Variants in WNK2 observed in about 807,000 individuals in gnomAD.
WNK2 encodes the protein serine/threonine-protein kinase WNK2.
Under a neutral mutation model 192.1 loss-of-function variants are expected in WNK2, and 67 were observed. The ratio of observed to expected loss-of-function variants is 0.35; its 90% CI spans 0.29 to 0.43. The LOEUF is 0.43. Ranked by LOEUF, WNK2 falls within the 20% of genes least tolerant of loss-of-function variation. The pLI is 1.00. For missense variants in WNK2, 2,698 were observed against 3,089.7 expected, an observed-to-expected ratio of 0.87 and a Z score of 3.01; for synonymous variants, 1,439 against 1,393.9, an observed-to-expected ratio of 1.03 and a Z score of -0.72.
chr9:93,198,702 C>T (rs1161149502), intron 2 of WNK2, among the ~76,000 whole-genome samples: 3 of 152,220 alleles, frequency 2.0e-5, no homozygotes. Flanking sequence ...GTTTTTTATA[C>T]TCTTGGGCAT....
chr9:93,296,404 C>T (rs1314421813), intron 23 of WNK2, among the ~76,000 whole-genome samples: 1 of 16,670 alleles, frequency 6.0e-5, no homozygotes, highest in Non-Finnish European at 1.4e-4. Context: ...CCTCCCCTCA[C>T]CTTCCTCCCC....
intron 28 of WNK2, chr9:93,316,137 CT>C (rs1261622796): frequency 6.6e-6 from 1 of 152,186 alleles, no homozygotes; most frequent in Non-Finnish European, 1.5e-5. Context: ...ATTTTGTTTG[CT>C]TTAGCAATTC....
Position 93,214,696 on chromosome 9 carries a change from T to G in WNK2, c.682-15000T>G, listed in dbSNP as rs375208856. Among the ~76,000 whole-genome samples, 108 of 40,894 alleles carry G rather than the reference T, an allele frequency of 2.6e-3. 1 individual carries two copies. Among genetic ancestry groups the G allele is most frequent in the African/African-American group, 0.01 (74 of 7,398 alleles). The allele number at this position is 40,894 out of a possible 152,430, so 26.8% of individuals were successfully genotyped here. The stretch of plus-strand genomic sequence containing the variant: ...CTACTTGCTGCCCCTTTGAAGGTAG[T>G]GCCCCCCCCCCCCCCGCCCTCTCTT... On this transcript the variant is annotated intron_variant, in intron 2 of 29. Transcript: ENST00000427277.
At chr9:93,281,088 G>C (rs542662853) in intron 19 of WNK2, among the ~76,000 whole-genome samples, 19 of 152,202 alleles carry the variant, frequency 1.2e-4, no homozygotes, top group Non-Finnish European at 2.5e-4. Flanking sequence ...AAAGGAGAGG[G>C]AAGAACAGAC....
chr9:93,250,081 T>C (rs926623055), intron 8 of WNK2, among the ~76,000 whole-genome samples: 2 of 152,084 alleles, frequency 1.3e-5, no homozygotes, highest in African/African-American at 4.8e-5. Flanking sequence ...GCCCAGCTAA[T>C]TTTTGTATTT....
chr9:93,194,031 C>T (rs554555132), intron 2 of WNK2, among the ~76,000 whole-genome samples: 13 of 152,254 alleles, frequency 8.5e-5, no homozygotes, highest in African/African-American at 2.6e-4. Flanking sequence ...CAACAAATGG[C>T]GCTGGAACAA....
At chr9:93,253,853 C>T (rs1386483885) in intron 9 of WNK2, among the ~76,000 whole-genome samples, 1 of 152,180 alleles carries the variant, frequency 6.6e-6, no homozygotes, top group Non-Finnish European at 1.5e-5. Flanking sequence ...CCCAAGTGCC[C>T]AGCCACAGAG....
At chr9:93,301,495 C>A (rs1034991828) in intron 26 of WNK2, among the ~76,000 whole-genome samples, 1 of 152,190 alleles carries the variant, frequency 6.6e-6, no homozygotes, top group South Asian at 2.1e-4. Flanking sequence ...GTTTCGGCCA[C>A]CATGTCATCT....
At chr9:93,244,940 G>C (rs1841424118) in intron 7 of WNK2, among the ~76,000 whole-genome samples, 4 of 152,198 alleles carry the variant, frequency 2.6e-5, no homozygotes, top group African/African-American at 9.7e-5. Flanking sequence ...CTTGGGGCTG[G>C]TTTGGGGCCA....
At chr9:93,298,112 C>T (rs1204383846) in intron 24 of WNK2, 45 bp downstream of exon 24, 4 of 1,538,678 alleles carry the variant, frequency 2.6e-6, no homozygotes, top group Non-Finnish European at 1.8e-6. Flanking sequence ...GGGCTGGGGA[C>T]CCCCGAGTGA....
chr9:93,316,553 T>C (rs534418468), intron 28 of WNK2: 2 of 152,036 alleles, frequency 1.3e-5, no homozygotes, highest in African/African-American at 4.8e-5. Flanking sequence ...CTTTTCCAGC[T>C]TCCTGTTGCT....
At chr9:93,299,942 T>C in intron 25 of WNK2, 109 bp from the exon 26 acceptor site, 1 of 821,258 alleles carries the variant, frequency 1.2e-6, no homozygotes, top group East Asian at 2.8e-5. Flanking sequence ...GATGGAGCCG[T>C]GGATGTTAAG....
At chr9:93,319,196 T>C in intron 29 of WNK2, 4 of 1,613,088 alleles carry the variant, frequency 2.5e-6, no homozygotes, top group Non-Finnish European at 3.4e-6. Flanking sequence ...AAATAAACAC[T>C]TTTGCTCGAA....
At chr9:93,266,721 G>A (rs1418441294) in intron 16 of WNK2, among the ~76,000 whole-genome samples, 1 of 152,324 alleles carries the variant, frequency 6.6e-6, no homozygotes, top group Non-Finnish European at 1.5e-5. Context: ...CTGGGGTTGG[G>A]GTCTGGGGTG....
At chr9:93,305,863 T>A (rs1852426182) in intron 26 of WNK2, among the ~76,000 whole-genome samples, 1 of 152,174 alleles carries the variant, frequency 6.6e-6, no homozygotes, top group Non-Finnish European at 1.5e-5. Flanking sequence ...AGACAGAGCC[T>A]CTGTGCTAGT....
At chr9:93,196,605 T>G (rs1831328348) in intron 2 of WNK2, among the ~76,000 whole-genome samples, 1 of 152,206 alleles carries the variant, frequency 6.6e-6, no homozygotes, top group African/African-American at 2.4e-5. Flanking sequence ...TTCAAGTGGC[T>G]TTGTTCATAT....
Position 93,268,761 on chromosome 9 carries a change from C to G in WNK2, c.4033+15C>G. On this transcript the variant is annotated intron_variant, in intron 19 of 29. Transcript: ENST00000427277. Reference sequence around the variant, plus strand: ...AGCCAGCCAAGGTATGAGCAGCAGGCGCCCACACAAGCCCCTCCCTGTTTC... The same window carrying G: ...AGCCAGCCAAGGTATGAGCAGCAGGGGCCCACACAAGCCCCTCCCTGTTTC... 6.2e-7 allele frequency: 1 copy of G among 1,606,900 alleles called. No individual in the cohort carries two copies. The highest frequency in any genetic ancestry group is 8.5e-7 in the Non-Finnish European group (1 of 1,177,378).
chr9:93,249,601 G>A (rs12350054), intron 8 of WNK2, among the ~76,000 whole-genome samples: 2,734 of 152,242 alleles, frequency 0.018, 85 homozygotes, highest in African/African-American at 0.062. Flanking sequence ...AGCCCCTTGA[G>A]TAGCTGGGAT....
chr9:93,285,706 A>G lies in WNK2; in HGVS notation c.4034-3082A>G, dbSNP rs371182449. 5.9e-5 allele frequency among the ~76,000 whole-genome samples: 9 copies of G among 152,144 alleles called. No homozygotes were observed. In the East Asian group the frequency reaches 1.2e-3, roughly 20 times the overall value. On this transcript the variant is annotated intron_variant, in intron 19 of 29. Coordinates refer to ENST00000427277, the MANE Select transcript of WNK2 (RefSeq NM_006648.4). The stretch of plus-strand genomic sequence containing the variant: ...ATGAGCATCAACACACTGATTATAT[A>G]CTCTTTACAGAAATGCAAAAACCAG...
Sources: gnomAD v4.1 joint callset for allele counts (sites outside exome capture counted in the v4.1 genomes callset) on GRCh38, gnomAD v4.1.1 for gene constraint, MANE v1.5 for transcripts, NCBI Gene and HGNC (gene_info 2026-07-23, HGNC 2026-07-21) for gene names.